The following MIB1 variants were observed in gnomAD, a reference collection of about 807,000 sequenced individuals.
The protein encoded by MIB1 is E3 ubiquitin-protein ligase MIB1.
MIB1 carries 278 observed loss-of-function variants against 124.5 expected under a neutral mutation model. That is an observed-to-expected ratio of 2.23 (90% confidence interval 2.02 to 2.47). The LOEUF is 2.47. Among genes scored for constraint, MIB1 ranks in the 30% most tolerant of loss-of-function variants. The pLI is 0.00. For synonymous variants in MIB1, 446 were observed against 429.4 expected, an observed-to-expected ratio of 1.04 and a Z score of -0.48; for missense variants, 957 against 1,254.4, an observed-to-expected ratio of 0.76 and a Z score of 3.58.
chr18:21,806,343 G>A (rs185023111), intron 10 of MIB1, among the ~76,000 whole-genome samples: 4 of 152,002 alleles, frequency 2.6e-5, no homozygotes, highest in African/African-American at 7.2e-5. Flanking sequence ...TAGGACTACA[G>A]GTGTGTGCCA....
intron 12 of MIB1, among the ~76,000 whole-genome samples, chr18:21,832,716 A>G (rs887101569): frequency 1.9e-4 from 29 of 152,162 alleles, no homozygotes; most frequent in African/African-American, 6.5e-4. Context: ...ATTATTTTGA[A>G]TGTCTGTTTT....
Position 21,865,213 on chromosome 18 carries a change from CAT to C in MIB1, c.*548_*549del, listed in dbSNP as rs1183431414. 3 of 152,158 alleles carry C rather than the reference CAT, an allele frequency of 2.0e-5. No individual in the cohort carries two copies. Among genetic ancestry groups the C allele is most frequent in the Admixed American group, 1.3e-4 (2 of 15,272 alleles). 9.4% of individuals were successfully genotyped at this position (152,158 alleles called of 1,614,324 possible). A position where few individuals can be genotyped will look rare whatever the true frequency, so the allele number is the denominator to read the frequency against. On this transcript the variant is annotated 3_prime_UTR_variant, in exon 21 of 21. Coordinates refer to ENST00000261537, the MANE Select transcript of MIB1 (RefSeq NM_020774.4). ...TTTTAAGATAACAGGAAGTTACCCACATGTTTGTTTCTGAATTCTTAGAGTAA... is the reference window on the plus strand; with the variant it reads ...TTTTAAGATAACAGGAAGTTACCCACGTTTGTTTCTGAATTCTTAGAGTAA...
chr18:21,816,836 G>A (rs942836627), intron 11 of MIB1, among the ~76,000 whole-genome samples: 3 of 152,108 alleles, frequency 2.0e-5, no homozygotes, highest in African/African-American at 7.2e-5. Context: ...GAACTGTTGG[G>A]ATCTAGAGTA....
At chr18:21,735,238 A>G (rs1488027849) in intron 1 of MIB1, among the ~76,000 whole-genome samples, 2 of 152,136 alleles carry the variant, frequency 1.3e-5, no homozygotes, top group African/African-American at 4.8e-5. Context: ...CACGGAGGGC[A>G]TTGTCTCACT....
rs771248511 is a variant in MIB1 at position 21,864,607 on chromosome 18, C to T, written c.2962C>T (p.Arg988Cys). The T allele has an allele frequency of 3.1e-6, 5 of 1,613,458 alleles. No homozygotes were observed. The highest frequency in any genetic ancestry group is 1.1e-5 in the South Asian group (1 of 91,054). Residue 988 changes from arginine to cysteine, a missense_variant, in exon 21 of 21, where the codon CGC (arginine) becomes TGC (cysteine). Transcript: ENST00000261537. The part of the protein sequence containing the change: ...GHGTCQLCGD[R>C]MSECPICRKA... ...CGGAACCTGTCAACTCTGTGGAGAC[C>T]GCATGAGTGAATGTCCTATCTGTCG...
intron 11 of MIB1, among the ~76,000 whole-genome samples, chr18:21,816,131 A>G (rs1043742591): frequency 6.6e-6 from 1 of 152,214 alleles, no homozygotes; most frequent in Admixed American, 6.5e-5. Flanking sequence ...GTAATAGGCT[A>G]TATTTCATAA....
chr18:21,787,727 A>AT (rs1237787026), intron 6 of MIB1, among the ~76,000 whole-genome samples: 2 of 147,490 alleles, frequency 1.4e-5, no homozygotes, highest in Non-Finnish European at 3.0e-5. Flanking sequence ...GAGTTCTGGG[A>AT]TATTGCTGGT....
intron 6 of MIB1, among the ~76,000 whole-genome samples, chr18:21,789,014 T>C (rs1354175373): frequency 6.6e-6 from 1 of 152,222 alleles, no homozygotes; most frequent in Non-Finnish European, 1.5e-5. Flanking sequence ...AGGTTTAATA[T>C]TGTTTAGATG....
intron 18 of MIB1, chr18:21,854,596 CTTTTTTT>C (rs34762697): frequency 3.3e-4 from 38 of 116,320 alleles, no homozygotes; most frequent in Admixed American, 2.7e-4. Context: ...GCGTTTGCTC[CTTTTTTT>C]TTTTTTTTTT....
rs1270580537 is a variant in MIB1, at chr18:21,870,692, C to T, written c.*6026C>T. On this transcript the variant is annotated 3_prime_UTR_variant, in exon 21 of 21. Coordinates refer to ENST00000261537, the MANE Select transcript of MIB1 (RefSeq NM_020774.4). The stretch of plus-strand genomic sequence containing the variant: ...TCCATGTTAATATAAGCACTTATTT[C>T]TGAAGTTATTGAGAGGTCATCTAGC... 6.6e-6 allele frequency: 1 copy of T among 152,010 alleles called. No homozygotes were observed. Among genetic ancestry groups the T allele is most frequent in the African/African-American group, 2.4e-5 (1 of 41,386 alleles). The allele number at this position is 152,010 out of a possible 1,614,324, so 9.4% of individuals were successfully genotyped here.
At chr18:21,783,462 C>T (rs1451864348) in intron 6 of MIB1, among the ~76,000 whole-genome samples, 2 of 152,046 alleles carry the variant, frequency 1.3e-5, no homozygotes, top group Non-Finnish European at 2.9e-5. Context: ...AGGCTGGTCT[C>T]TAACTCCTGA....
chr18:21,774,921 TTTTATTTA>T (rs200926882), intron 4 of MIB1, among the ~76,000 whole-genome samples: 43 of 138,298 alleles, frequency 3.1e-4, no homozygotes, highest in East Asian at 8.5e-4. Flanking sequence ...TTTATTTCCA[TTTTATTTA>T]TTTATTTATT....
intron 13 of MIB1, among the ~76,000 whole-genome samples, chr18:21,842,272 G>A (rs1193743140): frequency 6.6e-6 from 1 of 151,840 alleles, no homozygotes; most frequent in African/African-American, 2.4e-5. Flanking sequence ...GTAACCAGAG[G>A]GCATGCATGG....
chr18:21,822,873 G>T (rs868166276), intron 12 of MIB1, among the ~76,000 whole-genome samples: 5 of 152,082 alleles, frequency 3.3e-5, no homozygotes, highest in South Asian at 2.1e-4. Flanking sequence ...GCTGAGGCAG[G>T]AGGATTGCTT....
chr18:21,817,962 T>C (rs8092787), intron 11 of MIB1: 150,393 of 161,050 alleles, frequency 0.93, 70,630 homozygotes, highest in South Asian at 0.98. Flanking sequence ...GAATGAAATT[T>C]AAATTATTCA....
In MIB1 at chr18:21,864,619, T is replaced by TG; in HGVS notation, c.2975dup (p.Cys992TrpfsTer9). 6.2e-7 allele frequency: 1 copy of TG among 1,613,880 alleles called. No individual in the cohort carries two copies. Among genetic ancestry groups the TG allele is most frequent in the Non-Finnish European group, 8.5e-7 (1 of 1,179,772 alleles). On this transcript the variant is annotated frameshift_variant, in exon 21 of 21. Coordinates refer to ENST00000261537, the MANE Select transcript of MIB1 (RefSeq NM_020774.4). LOFTEE classifies it high-confidence loss of function. ...ACTCTGTGGAGACCGCATGAGTGAA[T>TG]GTCCTATCTGTCGCAAGGCTATTGA...
chr18:21,706,798 C>T (rs2040640326), intron 1 of MIB1, among the ~76,000 whole-genome samples: 1 of 152,166 alleles, frequency 6.6e-6, no homozygotes, highest in African/African-American at 2.4e-5. Flanking sequence ...CTGAGCCGCA[C>T]CCCCCGCCCC....
chr18:21,761,677 C>T (rs2041099057), intron 1 of MIB1, among the ~76,000 whole-genome samples: 1 of 152,142 alleles, frequency 6.6e-6, no homozygotes, highest in Non-Finnish European at 1.5e-5. Flanking sequence ...ACTGTGAATT[C>T]TGAGGTTTGG....
At chr18:21,821,567 C>T (rs2041878007) in intron 12 of MIB1, among the ~76,000 whole-genome samples, 1 of 151,454 alleles carries the variant, frequency 6.6e-6, no homozygotes, top group African/African-American at 2.4e-5. Flanking sequence ...TTGCTCTATA[C>T]TTCCTTGTTC....
Sources: allele counts gnomAD v4.1 joint callset (sites outside exome capture counted in the v4.1 genomes callset), GRCh38; gene constraint gnomAD v4.1.1; transcripts MANE v1.5; gene names NCBI Gene and HGNC (gene_info 2026-07-23, HGNC 2026-07-21).